CACNA2D1: variants seen among roughly 807,000 people sequenced by gnomAD.
The protein encoded by CACNA2D1 is voltage-dependent calcium channel subunit alpha-2/delta-1.
A neutral mutation model predicts 171.5 loss-of-function variants in CACNA2D1; 53 were observed. That is an observed-to-expected ratio of 0.31 (90% CI 0.25 to 0.39). The LOEUF (loss-of-function observed/expected upper bound fraction) is 0.39, where lower values mean the gene tolerates loss of function less well. Ranked by LOEUF, CACNA2D1 falls within the 10% of genes least tolerant of loss-of-function variation. The pLI is 1.00. For missense variants in CACNA2D1, 903 were observed against 1,299.8 expected (o/e 0.69, Z 4.69); for synonymous variants, 442 against 443.1 (o/e 1.00, Z 0.03).
chr7:82,142,758 T>C (rs1792545688), intron 4 of CACNA2D1, among the ~76,000 whole-genome samples: 1 of 152,202 alleles, frequency 6.6e-6, no homozygotes, highest in Non-Finnish European at 1.5e-5. Flanking sequence ...GTCATTTTTA[T>C]CACTCCTGAG....
intron 4 of CACNA2D1, among the ~76,000 whole-genome samples, chr7:82,153,035 C>G (rs148921235): frequency 2.0e-5 from 3 of 150,656 alleles, no homozygotes; most frequent in African/African-American, 7.3e-5. Context: ...AACTGATCAG[C>G]CAGGCAGTAA....
At chr7:82,420,451 C>A (rs1453822417) in intron 1 of CACNA2D1, among the ~76,000 whole-genome samples, 1 of 152,164 alleles carries the variant, frequency 6.6e-6, no homozygotes, top group African/African-American at 2.4e-5. Flanking sequence ...TTCCAGTTTT[C>A]ATGCATTACC....
intron 5 of CACNA2D1, 129 bp downstream of exon 5, chr7:82,136,506 A>G (rs1791626920): frequency 4.7e-6 from 3 of 640,440 alleles, no homozygotes; most frequent in Non-Finnish European, 8.3e-6. Context: ...CTCGTATCTA[A>G]CTAGTATTTT....
chr7:82,068,223 C>G (rs889153617), intron 7 of CACNA2D1, among the ~76,000 whole-genome samples: 23 of 152,098 alleles, frequency 1.5e-4, no homozygotes, highest in Non-Finnish European at 2.6e-4. Context: ...GGCTCAGGCT[C>G]TAATTTTGTC....
At chr7:81,962,553 G>A in intron 34 of CACNA2D1, 58 bp from the exon 35 acceptor site, 2 of 1,005,674 alleles carry the variant, frequency 2.0e-6, no homozygotes, top group Non-Finnish European at 3.1e-6. Context: ...GTTTTTACAT[G>A]TACCCATACA....
chr7:82,179,705 ATAT>A (rs1796916632), intron 3 of CACNA2D1, among the ~76,000 whole-genome samples: 1 of 152,172 alleles, frequency 6.6e-6, no homozygotes, highest in Non-Finnish European at 1.5e-5. Context: ...GACCAGCAGC[ATAT>A]TAATAACTTT....
chr7:82,303,214 G>A (rs1314247993), intron 3 of CACNA2D1, among the ~76,000 whole-genome samples: 1 of 151,990 alleles, frequency 6.6e-6, no homozygotes, highest in Non-Finnish European at 1.5e-5. Context: ...AGCCAGGATG[G>A]TCTCTATCTC....
chr7:82,103,506 T>C (rs898836700), intron 6 of CACNA2D1, among the ~76,000 whole-genome samples: 2 of 152,178 alleles, frequency 1.3e-5, no homozygotes, highest in South Asian at 4.1e-4. Flanking sequence ...CTTTTGTACA[T>C]AATTCTTAAT....
At chr7:82,173,327 GA>G (rs1249604971) in intron 3 of CACNA2D1, among the ~76,000 whole-genome samples, 1 of 151,966 alleles carries the variant, frequency 6.6e-6, no homozygotes, top group Non-Finnish European at 1.5e-5. Context: ...GCAAGACTCT[GA>G]AAATGTTTTT....
intron 1 of CACNA2D1, among the ~76,000 whole-genome samples, chr7:82,370,283 T>C (rs1444760964): frequency 6.6e-6 from 1 of 151,878 alleles, no homozygotes; most frequent in African/African-American, 2.4e-5. Flanking sequence ...TACATAACAA[T>C]CTAAATAAAA....
intron 38 of CACNA2D1, among the ~76,000 whole-genome samples, chr7:81,955,978 ATATTTTTTTTTTT>A (rs1239975360): frequency 2.0e-5 from 1 of 49,226 alleles, no homozygotes; most frequent in Non-Finnish European, 3.8e-5. Flanking sequence ...ATATATATAT[ATATTTTTTTTTTT>A]TTTTTTTTTT....
chr7:81,984,570 C>T (rs546400029), intron 22 of CACNA2D1, 65 bp downstream of exon 22: 49 of 874,184 alleles, frequency 5.6e-5, no homozygotes, highest in Non-Finnish European at 8.5e-5. Flanking sequence ...AAAATCTAGA[C>T]GTATTTAAAC....
At chr7:82,321,250 T>C (rs1815808695) in intron 3 of CACNA2D1, among the ~76,000 whole-genome samples, 1 of 151,792 alleles carries the variant, frequency 6.6e-6, no homozygotes, top group South Asian at 2.1e-4. Flanking sequence ...AATACAAAAA[T>C]TAGCCCGGCA....
chr7:82,179,513 CA>C (rs1379100306), intron 3 of CACNA2D1, among the ~76,000 whole-genome samples: 1 of 152,036 alleles, frequency 6.6e-6, no homozygotes, highest in Non-Finnish European at 1.5e-5. Context: ...ACACTAATTC[CA>C]AAGGCCTTCA....
chr7:82,270,432 T>C (rs564097415), intron 3 of CACNA2D1, among the ~76,000 whole-genome samples: 10 of 152,182 alleles, frequency 6.6e-5, no homozygotes, highest in Non-Finnish European at 1.3e-4. Flanking sequence ...TATTTTGTTC[T>C]TTTTATTGCT....
intron 2 of CACNA2D1, among the ~76,000 whole-genome samples, chr7:82,336,071 A>T (rs1018264936): frequency 3.3e-5 from 5 of 152,182 alleles, no homozygotes; most frequent in Admixed American, 3.3e-4. Context: ...TGAGATGAGA[A>T]GGAAATCCCT....
chr7:82,221,959 A>T (rs1422421108), intron 3 of CACNA2D1, among the ~76,000 whole-genome samples: 3 of 152,082 alleles, frequency 2.0e-5, no homozygotes, highest in Admixed American at 6.5e-5. Flanking sequence ...AAAATGAAAA[A>T]AAAAAAGAGC....
chr7:81,983,243 G>T, intron 23 of CACNA2D1, 71 bp downstream of exon 23: 1 of 1,281,314 alleles, frequency 7.8e-7, no homozygotes, highest in Non-Finnish European at 1.1e-6. Context: ...ATATCCAATA[G>T]GAAGGAAAAT....
intron 7 of CACNA2D1, among the ~76,000 whole-genome samples, chr7:82,071,080 T>C (rs530697782): frequency 1.3e-5 from 2 of 152,198 alleles, no homozygotes; most frequent in Admixed American, 6.5e-5. Context: ...GTTGTTGATG[T>C]TGTGTTACTA....
Sources: allele counts gnomAD v4.1 joint callset (sites outside exome capture counted in the v4.1 genomes callset), GRCh38; gene constraint gnomAD v4.1.1; transcripts MANE v1.5; gene names NCBI Gene and HGNC (gene_info 2026-07-23, HGNC 2026-07-21).